Variants in LINGO2 observed in about 807,000 individuals in gnomAD.
LINGO2 encodes the protein leucine rich repeat and Ig domain containing 2.
LINGO2 carries 14 observed loss-of-function variants against 30.6 expected under a neutral mutation model. The ratio of observed to expected loss-of-function variants is 0.46; its 90% CI spans 0.30 to 0.72. The LOEUF is 0.72. Ranked by LOEUF, LINGO2 falls within the 30% of genes least tolerant of loss-of-function variation. The probability of loss-of-function intolerance (pLI) is 0.07; values close to 1 mark genes in which losing one functional copy is unlikely to be tolerated. For missense variants in LINGO2, 729 were observed against 751.7 expected (o/e 0.97, Z 0.35); for synonymous variants, 317 against 288.5 (o/e 1.10, Z -1.00).
At chr9:28,780,703 T>A in the LINGO2 span, among the ~76,000 whole-genome samples, 1 of 152,154 alleles carries the variant, frequency 6.6e-6, no homozygotes, top group South Asian at 2.1e-4. Flanking sequence ...ACTGTGTACA[T>A]TTCTTTCTAG....
chr9:29,024,621 T>C, the LINGO2 span, among the ~76,000 whole-genome samples: 14 of 152,054 alleles, frequency 9.2e-5, no homozygotes, highest in Non-Finnish European at 1.9e-4. Flanking sequence ...CTTTAGAAAA[T>C]GACCTATTTT....
At chr9:29,064,218 AC>A in the LINGO2 span, among the ~76,000 whole-genome samples, 1 of 152,078 alleles carries the variant, frequency 6.6e-6, no homozygotes, top group African/African-American at 2.4e-5. Context: ...TGATTTGAAG[AC>A]CAAAAAATGA....
intron 1 of LINGO2, among the ~76,000 whole-genome samples, chr9:28,585,175 A>T (rs566746977): frequency 7.2e-5 from 11 of 152,172 alleles, no homozygotes; most frequent in African/African-American, 2.6e-4. Flanking sequence ...TATATCCCAG[A>T]CAACATTTTT....
At chr9:28,352,641 G>GA (rs1331113011) in intron 3 of LINGO2, among the ~76,000 whole-genome samples, 1 of 130,330 alleles carries the variant, frequency 7.7e-6, no homozygotes. Context: ...CACAGAATTG[G>GA]AAAAAACTAC....
intron 1 of LINGO2, among the ~76,000 whole-genome samples, chr9:28,653,992 G>A (rs766419309): frequency 2.6e-5 from 4 of 151,924 alleles, no homozygotes; most frequent in African/African-American, 9.7e-5. Flanking sequence ...TATTTTTTAC[G>A]TTTATCTATT....
At chr9:28,770,975 G>A in the LINGO2 span, among the ~76,000 whole-genome samples, 3 of 152,274 alleles carry the variant, frequency 2.0e-5, 1 homozygote, top group South Asian at 4.1e-4. Flanking sequence ...GCATAGACAA[G>A]GATCACTTAA....
the LINGO2 span, among the ~76,000 whole-genome samples, chr9:28,829,942 A>G: frequency 1.2e-4 from 19 of 152,234 alleles, no homozygotes; most frequent in African/African-American, 4.3e-4. Flanking sequence ...TACTTTAGAC[A>G]TATCAGTCAT....
At chr9:28,661,286 A>G (rs1203058529) in intron 1 of LINGO2, among the ~76,000 whole-genome samples, 11 of 152,156 alleles carry the variant, frequency 7.2e-5, no homozygotes, top group Admixed American at 7.2e-4. Context: ...TATGTGACCC[A>G]GTCACTCCTG....
At chr9:29,119,064 C>A in the LINGO2 span, among the ~76,000 whole-genome samples, 1 of 152,174 alleles carries the variant, frequency 6.6e-6, no homozygotes, top group African/African-American at 2.4e-5. Context: ...GCTGAGGACC[C>A]TGAAGCAACC....
chr9:28,526,055 C>CAAAAAAAAAAAAA (rs58629857), intron 1 of LINGO2, among the ~76,000 whole-genome samples: 3,919 of 48,408 alleles, frequency 0.081, 904 homozygotes, highest in South Asian at 0.1. Flanking sequence ...GACTCCGTCT[C>CAAAAAAAAAAAAA]AAAAAAAAAA....
the LINGO2 span, among the ~76,000 whole-genome samples, chr9:29,155,392 A>T: frequency 4.6e-5 from 7 of 152,072 alleles, no homozygotes; most frequent in Admixed American, 2.0e-4. Flanking sequence ...AGTCATTTTT[A>T]AAAAATTACT....
intron 5 of LINGO2, among the ~76,000 whole-genome samples, chr9:27,966,766 C>G (rs896419115): frequency 9.9e-5 from 15 of 152,056 alleles, no homozygotes; most frequent in African/African-American, 3.6e-4. Flanking sequence ...AAATATGCGC[C>G]TCAACTTTGG....
At chr9:28,395,676 T>G (rs1822010815) in intron 2 of LINGO2, among the ~76,000 whole-genome samples, 1 of 152,326 alleles carries the variant, frequency 6.6e-6, no homozygotes, top group South Asian at 2.1e-4. Context: ...AAATACCATT[T>G]ATATACTTAA....
rs17836403 is a variant in LINGO2 at position 28,136,595 on chromosome 9, C to G, written c.-86-124190G>C. 2.4e-4 allele frequency among the ~76,000 whole-genome samples: 37 copies of G among 152,242 alleles called. No homozygotes were observed. In the East Asian group the frequency reaches 6.6e-3, roughly 27 times the overall value. On this transcript the variant is annotated intron_variant, in intron 4 of 5. Coordinates refer to ENST00000379992, the Ensembl canonical transcript of LINGO2. ...GGTGATTAACATAAACATGACCTGG[C>G]TAGGGTAAGCTTTAGAGAGAATTCC...
intron 4 of LINGO2, among the ~76,000 whole-genome samples, chr9:28,103,687 A>C (rs761351975): frequency 1.1e-4 from 17 of 152,170 alleles, no homozygotes; most frequent in Non-Finnish European, 1.9e-4. Context: ...ACACATTGAC[A>C]AAGAAATAAT....
At chr9:29,004,474 T>C in the LINGO2 span, among the ~76,000 whole-genome samples, 6,261 of 151,992 alleles carry the variant, frequency 0.041, 197 homozygotes, top group Admixed American at 0.081. Flanking sequence ...TTATTGACTA[T>C]TATGTGGCAC....
At chr9:28,024,852 G>A (rs925428348) in intron 4 of LINGO2, among the ~76,000 whole-genome samples, 1 of 152,126 alleles carries the variant, frequency 6.6e-6, no homozygotes, top group African/African-American at 2.4e-5. Context: ...CATTTGAGCA[G>A]TATCTCCCCA....
intron 4 of LINGO2, among the ~76,000 whole-genome samples, chr9:28,195,277 T>C (rs10968380): frequency 0.08 from 12,112 of 151,704 alleles, 692 homozygotes; most frequent in East Asian, 0.2. Context: ...CCTGAAATAG[T>C]CATGGGGATT....
intron 5 of LINGO2, among the ~76,000 whole-genome samples, chr9:27,996,542 C>G (rs1821670525): frequency 6.6e-6 from 1 of 152,060 alleles, no homozygotes; most frequent in Admixed American, 6.6e-5. Context: ...AAAAACAAAT[C>G]TCTCATGTGC....
Sources: allele counts gnomAD v4.1 joint callset (sites outside exome capture counted in the v4.1 genomes callset), GRCh38; gene constraint gnomAD v4.1.1; transcripts MANE v1.5; gene names NCBI Gene and HGNC (gene_info 2026-07-23, HGNC 2026-07-21).